The following HORMAD2 variants were observed in gnomAD, a reference collection of about 807,000 sequenced individuals.
The protein encoded by HORMAD2 is HORMA domain-containing protein 2.
Under a neutral mutation model 38.8 loss-of-function variants are expected in HORMAD2, and 45 were observed. That is an observed-to-expected ratio of 1.16 (90% CI 0.91 to 1.49). The LOEUF (loss-of-function observed/expected upper bound fraction) is 1.49. Ranked by LOEUF, HORMAD2 falls within the 40% of genes most tolerant of loss-of-function variation. The probability of loss-of-function intolerance (pLI) is 0.00; values close to 1 mark genes in which losing one functional copy is unlikely to be tolerated. For missense variants in HORMAD2, 338 were observed against 367.0 expected (o/e 0.92, Z 0.65); for synonymous variants, 126 against 122.8 (o/e 1.03, Z -0.17).
chr22:30,103,480 G>C lies in HORMAD2; in HGVS notation c.237G>C (p.Gly79=). The C allele has an allele frequency of 6.5e-7, 1 of 1,529,682 alleles. No homozygotes were observed. Among genetic ancestry groups the C allele is most frequent in the Non-Finnish European group, 8.9e-7 (1 of 1,126,210 alleles). 94.8% of individuals were successfully genotyped at this position (1,529,682 alleles called of 1,614,324 possible). The stretch of plus-strand genomic sequence containing the variant: ...TCCGAGAAGATAAAAAATGTCCCGG[G>C]TCACTGCATATTATCAGATGGTAAG... ...KILREDKKCP[G]SLHIIRWIQG... is the part of the protein sequence containing the mutation. The change falls in exon 4 of 11, where the codon GGG becomes GGC. Residue 79 remains glycine (G), a synonymous_variant. Transcript: ENST00000336726.
chr22:30,133,971 T>G (rs5763794), intron 10 of HORMAD2, among the ~76,000 whole-genome samples: 22,344 of 152,074 alleles, frequency 0.15, 3,454 homozygotes, highest in African/African-American at 0.38. Flanking sequence ...CTAGGTGTGC[T>G]TTTTTTCTGC....
Position 30,121,615 on chromosome 22 carries a change from C to CT in HORMAD2, c.411-9dup, listed in dbSNP as rs754780645. ...CTATTGTATATGATCAAAAAGTATG[C>CT]TTTTTTTTCTGTGTAGTCATAGCAG... On this transcript the variant is annotated splice_polypyrimidine_tract_variant and intron_variant, in intron 8 of 10. Coordinates refer to ENST00000336726, the MANE Select transcript of HORMAD2 (RefSeq NM_152510.4). 2.5e-5 allele frequency: 38 copies of CT among 1,548,330 alleles called. No homozygotes were observed. The highest frequency in any genetic ancestry group is 1.1e-4 in the Admixed American group (5 of 47,610).
downstream of HORMAD2, among the ~76,000 whole-genome samples, chr22:30,181,844 T>C (rs1160611702): frequency 2.6e-5 from 4 of 152,212 alleles, no homozygotes; most frequent in African/African-American, 9.6e-5. Context: ...TTGATAGCAA[T>C]GAAAACTGTC....
intron 10 of HORMAD2, among the ~76,000 whole-genome samples, chr22:30,168,589 C>T (rs914274525): frequency 1.3e-5 from 2 of 152,112 alleles, no homozygotes; most frequent in African/African-American, 2.4e-5. Flanking sequence ...TCTTGGTCAC[C>T]GGCATTACCA....
intron 10 of HORMAD2, among the ~76,000 whole-genome samples, chr22:30,127,141 A>C (rs756477733): frequency 4.7e-5 from 7 of 149,840 alleles, no homozygotes; most frequent in Non-Finnish European, 7.4e-5. Context: ...TGTATTGTGA[A>C]TATCTTCTTC....
chr22:30,201,147 G>C, the HORMAD2 span, among the ~76,000 whole-genome samples: 1 of 152,158 alleles, frequency 6.6e-6, no homozygotes, highest in African/African-American at 2.4e-5. Flanking sequence ...GAATCTGTTC[G>C]ATGCCTCTCC....
intron 2 of HORMAD2, among the ~76,000 whole-genome samples, chr22:30,095,475 C>T (rs1048574870): frequency 6.6e-6 from 1 of 152,142 alleles, no homozygotes; most frequent in African/African-American, 2.4e-5. Flanking sequence ...GTGGAGTTAG[C>T]CATGTCCCCT....
At chr22:30,124,029 G>A (rs981204424) in intron 10 of HORMAD2, among the ~76,000 whole-genome samples, 2 of 150,856 alleles carry the variant, frequency 1.3e-5, no homozygotes, top group Admixed American at 6.6e-5. Flanking sequence ...GACAACCTAA[G>A]AACGCATAGT....
At chr22:30,092,194 TTAA>T (rs1179862438) in intron 1 of HORMAD2, among the ~76,000 whole-genome samples, 1 of 152,074 alleles carries the variant, frequency 6.6e-6, no homozygotes, top group Non-Finnish European at 1.5e-5. Flanking sequence ...TTTTGTCCTT[TTAA>T]TAATAGCCAT....
At chr22:30,165,832 T>A (rs902619528) in intron 10 of HORMAD2, among the ~76,000 whole-genome samples, 1 of 152,060 alleles carries the variant, frequency 6.6e-6, no homozygotes, top group Admixed American at 6.5e-5. Flanking sequence ...TCTATTTCAC[T>A]GATCCATATA....
At chr22:30,182,584 C>T in the HORMAD2 span, among the ~76,000 whole-genome samples, 1 of 152,156 alleles carries the variant, frequency 6.6e-6, no homozygotes, top group Non-Finnish European at 1.5e-5. Context: ...TGGCTGTGGA[C>T]ACCCTAACCC....
intron 1 of HORMAD2, among the ~76,000 whole-genome samples, chr22:30,087,518 T>G (rs1010037985): frequency 6.6e-6 from 1 of 152,186 alleles, no homozygotes; most frequent in African/African-American, 2.4e-5. Context: ...TAGTCTGTTC[T>G]TGCATTGCTA....
At chr22:30,156,874 GTTTGCCTCCAAA>G (rs1307693259) in intron 10 of HORMAD2, among the ~76,000 whole-genome samples, 1 of 152,218 alleles carries the variant, frequency 6.6e-6, no homozygotes, top group African/African-American at 2.4e-5. Flanking sequence ...AAATATTCAA[GTTTGCCTCCAAA>G]CCTCTTCAAG....
At chr22:30,098,093 A>G (rs571690174) in intron 2 of HORMAD2, among the ~76,000 whole-genome samples, 1 of 152,336 alleles carries the variant, frequency 6.6e-6, no homozygotes, top group Non-Finnish European at 1.5e-5. Flanking sequence ...GGTGGCAGAG[A>G]TAAACTGAGT....
At chr22:30,191,988 A>C in the HORMAD2 span, 4 of 152,250 alleles carry the variant, frequency 2.6e-5, no homozygotes, top group Non-Finnish European at 5.9e-5. Context: ...TTAAAGCAAC[A>C]ACCAAAAAAT....
chr22:30,092,309 T>C (rs1022186941), intron 1 of HORMAD2, among the ~76,000 whole-genome samples: 3 of 151,566 alleles, frequency 2.0e-5, no homozygotes, highest in African/African-American at 7.3e-5. Context: ...GCCATTTGTA[T>C]GCCTTCTTTT....
At chr22:30,104,552 C>T (rs1921046923) in intron 5 of HORMAD2, 115 bp downstream of exon 5, 1 of 734,350 alleles carries the variant, frequency 1.4e-6, no homozygotes, top group Non-Finnish European at 2.2e-6. Context: ...TCTACGTTTG[C>T]ATCCATAAAC....
chr22:30,139,274 A>ATATATG (rs1400538982), intron 10 of HORMAD2, among the ~76,000 whole-genome samples: 1 of 143,864 alleles, frequency 7.0e-6, no homozygotes, highest in East Asian at 2.0e-4. Context: ...ATATATATAT[A>ATATATG]TATATATATA....
chr22:30,161,183 A>C (rs145431104), intron 10 of HORMAD2, among the ~76,000 whole-genome samples: 1 of 152,342 alleles, frequency 6.6e-6, no homozygotes, highest in African/African-American at 2.4e-5. Context: ...ATATTGCACC[A>C]ATAGAGATCT....
Sources: allele counts gnomAD v4.1 joint callset (sites outside exome capture counted in the v4.1 genomes callset), GRCh38; gene constraint gnomAD v4.1.1; transcripts MANE v1.5; gene names NCBI Gene and HGNC (gene_info 2026-07-23, HGNC 2026-07-21).